Variants in METTL25B observed in about 807,000 individuals in gnomAD.
METTL25B encodes the protein methyltransferase-like protein 25B.
Under a neutral mutation model 48.4 loss-of-function variants are expected in METTL25B, and 38 were observed. The ratio of observed to expected loss-of-function variants is 0.78; its 90% CI spans 0.61 to 1.03. The LOEUF is 1.03. Among genes scored for constraint, METTL25B ranks in the 50% least tolerant of loss-of-function variants. The pLI is 0.00. For missense variants in METTL25B, 537 were observed against 603.7 expected (o/e 0.89, Z 1.16); for synonymous variants, 230 against 254.5 (o/e 0.90, Z 0.92).
Position 156,728,675 on chromosome 1 carries a change from G to T in METTL25B, c.-430G>T. 2.0e-6 allele frequency: 2 copies of T among 988,288 alleles called. No homozygotes were observed. The highest frequency in any genetic ancestry group is 2.4e-6 in the Non-Finnish European group (2 of 831,302). 61.2% of individuals were successfully genotyped at this position (988,288 alleles called of 1,614,324 possible). A position where few individuals can be genotyped will look rare whatever the true frequency, so the allele number is the denominator to read the frequency against. On this transcript the variant is annotated 5_prime_UTR_variant, in exon 1 of 8. Coordinates refer to ENST00000368216, the MANE Select transcript of METTL25B (RefSeq NM_015997.4). Reference sequence around the variant, plus strand: ...CCCCGGCCCCTCTAGCCCCGTGGTGGTACAACGCGAAGGTGTGGGAAGGCC... The same window carrying T: ...CCCCGGCCCCTCTAGCCCCGTGGTGTTACAACGCGAAGGTGTGGGAAGGCC...
chr1:156,729,941 C>G (rs957772379), intron 1 of METTL25B, among the ~76,000 whole-genome samples: 14 of 152,320 alleles, frequency 9.2e-5, no homozygotes, highest in Admixed American at 8.5e-4. Flanking sequence ...TTCATTGATC[C>G]ACAATCCAGT....
In METTL25B at chr1:156,734,256, G is replaced by T; in HGVS notation, c.884G>T (p.Gly295Val). ...TACATGAAGCTGAGTGACCCTGGCG[G>T]CTACCCACTGAGTCAGTGGGTGGCT... Reference protein sequence around the residue: ...CCYMKLSDPGGYPLSQWVAGL... With the variant: ...CCYMKLSDPGVYPLSQWVAGL... The change falls in exon 6 of 8, where the codon GGC (glycine) becomes GTC (valine). Residue 295 changes from glycine (G) to valine (V), a missense_variant. Gly to Val is a moderately radical substitution (Grantham distance 109, BLOSUM62 -3). Coordinates refer to ENST00000368216, the MANE Select transcript of METTL25B (RefSeq NM_015997.4). 1.2e-6 allele frequency: 2 copies of T among 1,614,182 alleles called. No individual in the cohort carries two copies. Among genetic ancestry groups the T allele is most frequent in the Non-Finnish European group, 1.7e-6 (2 of 1,180,032 alleles).
Position 156,734,236 on chromosome 1 carries a change from G to A in METTL25B, c.864G>A (p.Met288Ile). 1 of 1,614,226 alleles carries A rather than the reference G, an allele frequency of 6.2e-7. No homozygotes were observed. Among genetic ancestry groups the A allele is most frequent in the Admixed American group, 1.7e-5 (1 of 60,030 alleles). Residue 288 changes from methionine to isoleucine, a missense_variant, in exon 6 of 8, where the codon ATG becomes ATA. Transcript: ENST00000368216. Reference sequence around the variant, plus strand: ...TGGCCTCAGTGGGCTGCTGCTACATGAAGCTGAGTGACCCTGGCGGCTACC... The same window carrying A: ...TGGCCTCAGTGGGCTGCTGCTACATAAAGCTGAGTGACCCTGGCGGCTACC... The part of the protein sequence containing the change: ...VALASVGCCY[M>I]KLSDPGGYPL...
At chr1:156,736,229 G>A (rs913351930) in intron 7 of METTL25B, 4 of 260,402 alleles carry the variant, frequency 1.5e-5, no homozygotes, top group African/African-American at 2.2e-5. Context: ...GTATGGTGGC[G>A]CACACCTGTA....
Position 156,734,381 on chromosome 1 carries a change from C to G in METTL25B, c.1009C>G (p.Arg337Gly), listed in dbSNP as rs377702131. ...ERLQKAGPGL[R>G]THCYRAALET... ...GCTACAGAAAGCTGGCCCTGGCCTT[C>G]GAACTCACTGCTACCGTGCAGCACT... Residue 337 changes from arginine (R) to glycine (G), a missense_variant, in exon 6 of 8, where the codon CGA becomes GGA. Coordinates refer to ENST00000368216, the MANE Select transcript of METTL25B (RefSeq NM_015997.4). 4 of 1,613,754 alleles carry G rather than the reference C, an allele frequency of 2.5e-6. No individual in the cohort carries two copies. The highest frequency in any genetic ancestry group is 1.3e-5 in the African/African-American group (1 of 75,026).
intron 6 of METTL25B, 40 bp downstream of exon 6, chr1:156,734,533 T>C: frequency 5.4e-6 from 8 of 1,474,942 alleles, no homozygotes; most frequent in Non-Finnish European, 5.4e-6. Context: ...GGAGAGGAGA[T>C]TTCTTTTTTT....
Position 156,734,347 on chromosome 1 carries a change from T to C in METTL25B, c.975T>C (p.Tyr325=), listed in dbSNP as rs1571516655. ...REGACHALEE[Y]AERLQKAGPG... is the part of the protein sequence containing the mutation. Reference sequence around the variant, plus strand: ...GGGCCTGCCATGCCCTGGAGGAATATGCTGAGCGGCTACAGAAAGCTGGCC... The same window carrying C: ...GGGCCTGCCATGCCCTGGAGGAATACGCTGAGCGGCTACAGAAAGCTGGCC... Residue 325 remains tyrosine, a synonymous_variant, in exon 6 of 8, where the codon TAT becomes TAC. Transcript: ENST00000368216. 1 of 1,614,106 alleles carries C rather than the reference T, an allele frequency of 6.2e-7. No homozygotes were observed. The highest frequency in any genetic ancestry group is 8.5e-7 in the Non-Finnish European group (1 of 1,180,004).
intron 1 of METTL25B, among the ~76,000 whole-genome samples, chr1:156,730,732 T>C (rs1243574755): frequency 6.6e-6 from 1 of 152,010 alleles, no homozygotes; most frequent in East Asian, 1.9e-4. Context: ...ACTCCATCTC[T>C]AAAAATAAAT....
chr1:156,732,016 A>G lies in METTL25B; in HGVS notation c.137A>G (p.Asp46Gly). 6.2e-7 allele frequency: 1 copy of G among 1,614,174 alleles called. No individual in the cohort carries two copies. The highest frequency in any genetic ancestry group is 8.5e-7 in the Non-Finnish European group (1 of 1,180,032). ...IIEFFTDNLW[D>G]TLPCSWQEAL... ...GAATTTTTCACAGACAACCTATGGGACACACTCCCTTGCTCATGGCAGGAA... is the reference window on the plus strand; with the variant it reads ...GAATTTTTCACAGACAACCTATGGGGCACACTCCCTTGCTCATGGCAGGAA... The change falls in exon 2 of 8, where the codon GAC becomes GGC. Residue 46 changes from aspartate (D) to glycine (G), a missense_variant. Transcript: ENST00000368216.
Position 156,736,847 on chromosome 1 carries a change from C to A in METTL25B, c.*94C>A. The A allele has an allele frequency of 7.8e-7, 1 of 1,282,120 alleles. No homozygotes were observed. Among genetic ancestry groups the A allele is most frequent in the Non-Finnish European group, 1.1e-6 (1 of 929,606 alleles). The allele number at this position is 1,282,120 out of a possible 1,614,324, so 79.4% of individuals were successfully genotyped here. On this transcript the variant is annotated 3_prime_UTR_variant, in exon 8 of 8. Transcript: ENST00000368216. ...TCTCATCCAGAGAAACAGCATCCTG[C>A]ATCCTCCAGAGTCCTGGTTCCTTCA...
rs1648952086 is a variant in METTL25B at position 156,728,752 on chromosome 1, AGAG to A, written c.-349_-347del. The stretch of plus-strand genomic sequence containing the variant: ...GGACACCTCCGGCTTCACTTCCGTA[AGAG>A]GAGAGGAGTGTACGGCAAGGGGCGG... On this transcript the variant is annotated 5_prime_UTR_variant, in exon 1 of 8. Coordinates refer to ENST00000368216, the MANE Select transcript of METTL25B (RefSeq NM_015997.4). The A allele has an allele frequency of 2.0e-6, 2 of 1,017,378 alleles. No individual in the cohort carries two copies. Among genetic ancestry groups the A allele is most frequent in the Non-Finnish European group, 2.4e-6 (2 of 849,890 alleles). 63.0% of individuals were successfully genotyped at this position (1,017,378 alleles called of 1,614,324 possible). A position where few individuals can be genotyped will look rare whatever the true frequency, so the allele number is the denominator to read the frequency against.
rs1354748508 is a variant in METTL25B at position 156,729,464 on chromosome 1, T to C, written c.111+249T>C. 8 of 328,982 alleles carry C rather than the reference T, an allele frequency of 2.4e-5. No individual in the cohort carries two copies. In the East Asian group the frequency reaches 5.7e-4, roughly 23 times the overall value. 20.4% of individuals were successfully genotyped at this position (328,982 alleles called of 1,614,324 possible). A position where few individuals can be genotyped will look rare whatever the true frequency, so the allele number is the denominator to read the frequency against. On this transcript the variant is annotated intron_variant, in intron 1 of 7. Coordinates refer to ENST00000368216, the MANE Select transcript of METTL25B (RefSeq NM_015997.4). ...TTTTTTGAGACGGAGTCTCGCTCTG[T>C]CCCCCAGGCTGGAGTGCAGTGGCAC...
chr1:156,729,332 T>C, intron 1 of METTL25B, 117 bp downstream of exon 1: 1 of 659,790 alleles, frequency 1.5e-6, no homozygotes, highest in Non-Finnish European at 2.7e-6. Flanking sequence ...TGAGTTTCAG[T>C]CTTTTTCTGT....
chr1:156,735,213 C>T (rs550564900), intron 6 of METTL25B, among the ~76,000 whole-genome samples: 30 of 151,348 alleles, frequency 2.0e-4, no homozygotes, highest in African/African-American at 2.7e-4. Context: ...CGTTTGAACC[C>T]GGGAGGCAGA....
At chr1:156,732,164 T>C in intron 2 of METTL25B, 49 bp downstream of exon 2, 1 of 1,613,190 alleles carries the variant, frequency 6.2e-7, no homozygotes, top group African/African-American at 1.3e-5. Context: ...CTTTAAGCCC[T>C]GCAGTGAGCA....
In METTL25B at chr1:156,735,734, G is replaced by A. The variant is rs1233426006; in HGVS notation, c.1131G>A (p.Gln377=). ...VHELKIEEYV[Q]RGLQRVGLDP... ...GTGACTGATCCCACAGATATGTGCA[G>A]CGGGGGCTACAGCGAGTGGGGCTAG... is the stretch of plus-strand genomic sequence containing the variant. Residue 377 remains glutamine, a synonymous_variant, in exon 7 of 8, where the codon CAG becomes CAA. Transcript: ENST00000368216. 2.5e-6 allele frequency: 4 copies of A among 1,609,334 alleles called. No homozygotes were observed. The African/African-American group carries it at 5.4e-5, about 22-fold the overall frequency.
In METTL25B at chr1:156,736,712, C is replaced by G; in HGVS notation, c.1387C>G (p.Leu463Val). 5 of 1,613,662 alleles carry G rather than the reference C, an allele frequency of 3.1e-6. No individual in the cohort carries two copies. Among genetic ancestry groups the G allele is most frequent in the Non-Finnish European group, 3.4e-6 (4 of 1,180,030 alleles). ...NLVLVATKMP[L>V]GQALSVLETE... ...GGTTCTGGTGGCCACCAAGATGCCC[C>G]TGGGTCAGGCTCTTTCTGTTCTGGA... The change falls in exon 8 of 8, where the codon CTG becomes GTG. Residue 463 changes from leucine to valine, a missense_variant. Transcript: ENST00000368216.
At chr1:156,733,948 A>T in intron 5 of METTL25B, 61 bp from the exon 6 acceptor site, 2 of 1,534,834 alleles carry the variant, frequency 1.3e-6, no homozygotes, top group Non-Finnish European at 1.8e-6. Context: ...CTGTGGCCTG[A>T]GGTGGCCTGG....
chr1:156,734,475 A>G lies in METTL25B; in HGVS notation c.1103A>G (p.His368Arg). ...RPGVQGIPRVHELKIEEYVQR... is the reference protein window; with the variant it reads ...RPGVQGIPRVRELKIEEYVQR... ...GGCGTGCAGGGTATCCCCAGGGTCC[A>G]CGAGCTCAAGATTGAAGAGTGAGGT... Residue 368 changes from histidine (H) to arginine (R), a missense_variant, in exon 6 of 8, where the codon CAC becomes CGC. Coordinates refer to ENST00000368216, the MANE Select transcript of METTL25B (RefSeq NM_015997.4). 1 of 1,593,560 alleles carries G rather than the reference A, an allele frequency of 6.3e-7. No homozygotes were observed. Among genetic ancestry groups the G allele is most frequent in the East Asian group, 2.3e-5 (1 of 43,940 alleles).
Sources: allele counts gnomAD v4.1 joint callset (sites outside exome capture counted in the v4.1 genomes callset), GRCh38; gene constraint gnomAD v4.1.1; transcripts MANE v1.5; gene names NCBI Gene and HGNC (gene_info 2026-07-23, HGNC 2026-07-21).